Variants in EPHA3 observed in about 807,000 individuals in gnomAD.
EPHA3 encodes ephrin type-A receptor 3.
EPHA3 carries 42 observed loss-of-function variants against 107.1 expected under a neutral mutation model. That is an observed-to-expected ratio of 0.39 (90% confidence interval 0.31 to 0.51). The LOEUF (loss-of-function observed/expected upper bound fraction) is 0.51. Ranked by LOEUF, EPHA3 falls within the 20% of genes least tolerant of loss-of-function variation. The pLI is 0.78. For missense variants in EPHA3, 1,183 were observed against 1,211.2 expected (o/e 0.98, Z 0.35); for synonymous variants, 461 against 424.8 (o/e 1.09, Z -1.05).
At chr3:89,189,561 G>A (rs1354150717) in intron 2 of EPHA3, among the ~76,000 whole-genome samples, 1 of 152,116 alleles carries the variant, frequency 6.6e-6, no homozygotes, top group Non-Finnish European at 1.5e-5. Context: ...CCACTGTACT[G>A]CAGCCTGGTG....
At chr3:89,143,291 T>C (rs1411555342) in intron 2 of EPHA3, among the ~76,000 whole-genome samples, 5 of 151,542 alleles carry the variant, frequency 3.3e-5, no homozygotes, top group East Asian at 1.9e-4. Context: ...AAAGCTGTCA[T>C]GTTAATTAAT....
Position 89,292,475 on chromosome 3 carries a change from C to G in EPHA3, c.815-48441C>G, listed in dbSNP as rs569857547. ...CCTGGAACGAGTTCCCTGTGGAACC[C>G]ATCCCTTGCGGATGACTATAATTTA... On this transcript the variant is annotated intron_variant, in intron 3 of 16. Coordinates refer to ENST00000336596, the MANE Select transcript of EPHA3 (RefSeq NM_005233.6). Among the ~76,000 whole-genome samples, 7 of 152,244 alleles carry G rather than the reference C, an allele frequency of 4.6e-5. 1 individual carries two copies. Among genetic ancestry groups the G allele is most frequent in the African/African-American group, 1.7e-4 (7 of 41,548 alleles).
intron 3 of EPHA3, among the ~76,000 whole-genome samples, chr3:89,251,307 A>AT (rs1255286319): frequency 2.0e-5 from 3 of 152,038 alleles, no homozygotes; most frequent in African/African-American, 7.2e-5. Flanking sequence ...TACCTGGGGG[A>AT]TTTTTTAAAT....
intron 5 of EPHA3, among the ~76,000 whole-genome samples, chr3:89,380,979 G>C (rs370060160): frequency 6.6e-6 from 1 of 151,036 alleles, no homozygotes; most frequent in African/African-American, 2.5e-5. Flanking sequence ...CTGTTTGTTT[G>C]TTTCTTTTTT....
At chr3:89,127,639 T>A (rs1386052813) in intron 2 of EPHA3, among the ~76,000 whole-genome samples, 1 of 151,970 alleles carries the variant, frequency 6.6e-6, no homozygotes, top group East Asian at 1.9e-4. Context: ...GAGACGGTAA[T>A]CTCCAAAGTC....
At chr3:89,108,422 C>A (rs1287511980) in intron 1 of EPHA3, among the ~76,000 whole-genome samples, 1 of 152,182 alleles carries the variant, frequency 6.6e-6, no homozygotes, top group Non-Finnish European at 1.5e-5. Context: ...TTCTAAAGAG[C>A]AGCATATGCC....
At chr3:89,128,202 A>T (rs7432121) in intron 2 of EPHA3, among the ~76,000 whole-genome samples, 147,373 of 152,112 alleles carry the variant, frequency 0.97, 71,418 homozygotes, top group African/African-American at 0.99. Context: ...AATATACACA[A>T]TTTTTTGATA....
At chr3:89,206,838 A>T (rs1222097893) in intron 2 of EPHA3, among the ~76,000 whole-genome samples, 1 of 152,172 alleles carries the variant, frequency 6.6e-6, no homozygotes, top group Non-Finnish European at 1.5e-5. Flanking sequence ...TTACAAATAT[A>T]ATGTGAATAT....
chr3:89,297,162 G>T (rs1352705742), intron 3 of EPHA3, among the ~76,000 whole-genome samples: 2 of 152,158 alleles, frequency 1.3e-5, no homozygotes, highest in Non-Finnish European at 2.9e-5. Flanking sequence ...TTGTTCAATA[G>T]ATTAGTACCT....
chr3:89,432,961 T>G (rs1709598258), intron 13 of EPHA3, among the ~76,000 whole-genome samples: 2 of 152,220 alleles, frequency 1.3e-5, no homozygotes, highest in South Asian at 4.1e-4. Flanking sequence ...TCTATTCATA[T>G]ACATAATTTA....
intron 3 of EPHA3, among the ~76,000 whole-genome samples, chr3:89,255,952 G>A (rs565664373): frequency 7.2e-5 from 11 of 151,914 alleles, no homozygotes; most frequent in African/African-American, 1.2e-4. Flanking sequence ...GGCCGGGTGC[G>A]GTGGCTTACA....
chr3:89,347,675 G>A (rs955771125), intron 5 of EPHA3, among the ~76,000 whole-genome samples: 3 of 150,696 alleles, frequency 2.0e-5, no homozygotes, highest in East Asian at 1.9e-4. Flanking sequence ...GTGAGAGAGG[G>A]CATCCCTGTC....
chr3:89,431,882 C>T (rs1709576576), intron 13 of EPHA3, among the ~76,000 whole-genome samples: 1 of 152,224 alleles, frequency 6.6e-6, no homozygotes, highest in Admixed American at 6.5e-5. Flanking sequence ...TCTTCATACT[C>T]ATATGTACAA....
At chr3:89,449,400 T>G in intron 14 of EPHA3, 26 bp downstream of exon 14, 1 of 1,525,262 alleles carries the variant, frequency 6.6e-7, no homozygotes, top group Admixed American at 1.7e-5. Flanking sequence ...CTATGAGTTA[T>G]GAGTTCAGAT....
chr3:89,441,727 A>G (rs1317736564), intron 13 of EPHA3, among the ~76,000 whole-genome samples: 1 of 152,188 alleles, frequency 6.6e-6, no homozygotes, highest in African/African-American at 2.4e-5. Flanking sequence ...TGTGGTCACA[A>G]TCAAGAACAG....
chr3:89,456,920 A>C (rs997615501), intron 15 of EPHA3, among the ~76,000 whole-genome samples: 1 of 152,214 alleles, frequency 6.6e-6, no homozygotes, highest in African/African-American at 2.4e-5. Flanking sequence ...TACCAGATGT[A>C]GCTTCCATCC....
chr3:89,144,688 G>C (rs1454011310), intron 2 of EPHA3, among the ~76,000 whole-genome samples: 2 of 151,650 alleles, frequency 1.3e-5, no homozygotes, highest in Non-Finnish European at 3.0e-5. Flanking sequence ...TTGCTTAAAT[G>C]GAGTGCTGAA....
At chr3:89,355,438 A>G (rs1707924734) in intron 5 of EPHA3, among the ~76,000 whole-genome samples, 1 of 151,486 alleles carries the variant, frequency 6.6e-6, no homozygotes, top group Non-Finnish European at 1.5e-5. Flanking sequence ...CCTTGGGAAA[A>G]AAAGGTATTT....
intron 2 of EPHA3, among the ~76,000 whole-genome samples, chr3:89,206,667 C>T (rs1468549874): frequency 6.6e-6 from 1 of 152,050 alleles, no homozygotes. Flanking sequence ...TTTTTATATT[C>T]AACATATACA....
Sources: gnomAD v4.1 joint callset for allele counts (sites outside exome capture counted in the v4.1 genomes callset) on GRCh38, gnomAD v4.1.1 for gene constraint, MANE v1.5 for transcripts, NCBI Gene and HGNC (gene_info 2026-07-23, HGNC 2026-07-21) for gene names.